ADD3: variants seen among roughly 807,000 people sequenced by gnomAD.
ADD3 encodes gamma-adducin.
ADD3 carries 25 observed loss-of-function variants against 80.2 expected under a neutral mutation model. The ratio of observed to expected loss-of-function variants is 0.31; its 90% CI spans 0.23 to 0.44. The LOEUF is 0.44. Ranked by LOEUF, ADD3 falls within the 20% of genes least tolerant of loss-of-function variation. The probability of loss-of-function intolerance (pLI) is 1.00; values close to 1 mark genes in which losing one functional copy is unlikely to be tolerated. For synonymous variants in ADD3, 284 were observed against 289.6 expected, an observed-to-expected ratio of 0.98 and a Z score of 0.20; for missense variants, 829 against 847.5, an observed-to-expected ratio of 0.98 and a Z score of 0.27.
In ADD3 at chr10:110,100,793, A is replaced by C; in HGVS notation, c.140A>C (p.Gln47Pro). The change falls in exon 2 of 15, where the codon CAA becomes CCA. Residue 47 changes from glutamine (Q) to proline (P), a missense_variant. Transcript: ENST00000356080. The stretch of plus-strand genomic sequence containing the variant: ...AGGAACATGTCTCCTGATCTACGAC[A>C]AGACTTCAACATGATGGAGCAGAGG... ...RERNMSPDLR[Q>P]DFNMMEQRKR... 1 of 1,613,474 alleles carries C rather than the reference A, an allele frequency of 6.2e-7. No homozygotes were observed. Among genetic ancestry groups the C allele is most frequent in the East Asian group, 2.2e-5 (1 of 44,786 alleles).
At position 110,048,514 on chromosome 10, in the gene ADD3, A is replaced by G. The variant is rs1038595823; in HGVS notation, c.-30+40215A>G. Among the ~76,000 whole-genome samples the G allele has an allele frequency of 3.9e-5, 6 of 152,320 alleles. No homozygotes were observed. In the East Asian group the frequency reaches 7.7e-4, roughly 20 times the overall value. ...AATGGCTTTGACCAAAATGCTGACA[A>G]TCATATGGACAATGAAATTTAGGCT... On this transcript the variant is annotated intron_variant, in intron 1 of 14. Coordinates refer to ENST00000356080, the MANE Select transcript of ADD3 (RefSeq NM_016824.5).
At chr10:110,101,194 C>T (rs1848770423) in intron 2 of ADD3, among the ~76,000 whole-genome samples, 1 of 152,122 alleles carries the variant, frequency 6.6e-6, no homozygotes, top group South Asian at 2.1e-4. Context: ...ATCCCATGCA[C>T]GTATTTTCTT....
chr10:110,076,155 GA>G (rs1810132615), intron 1 of ADD3, among the ~76,000 whole-genome samples: 1 of 151,994 alleles, frequency 6.6e-6, no homozygotes, highest in Non-Finnish European at 1.5e-5. Context: ...TTAATTTTAT[GA>G]TTATAGGAAT....
At position 110,033,081 on chromosome 10, in the gene ADD3, G is replaced by A. The variant is rs1453174615; in HGVS notation, c.-30+24782G>A. Among the ~76,000 whole-genome samples, 4 of 152,302 alleles carry A rather than the reference G, an allele frequency of 2.6e-5. No individual in the cohort carries two copies. The East Asian group carries it at 7.7e-4, about 29-fold the overall frequency. On this transcript the variant is annotated intron_variant, in intron 1 of 14. Coordinates refer to ENST00000356080, the MANE Select transcript of ADD3 (RefSeq NM_016824.5). Reference sequence around the variant, plus strand: ...CATCCCTTTAACTCCTTTAAAACCTGACTTTTATAGGTCGATTATATAATG... The same window carrying A: ...CATCCCTTTAACTCCTTTAAAACCTAACTTTTATAGGTCGATTATATAATG...
chr10:110,065,862 A>T (rs1013902813), intron 1 of ADD3, among the ~76,000 whole-genome samples: 1 of 151,286 alleles, frequency 6.6e-6, no homozygotes, highest in Non-Finnish European at 1.5e-5. Flanking sequence ...TCTTCTGTAT[A>T]TTCTGTTTCT....
chr10:110,112,855 C>G lies in ADD3; in HGVS notation c.274C>G (p.Gln92Glu). ...GHNPTGLLAL[Q>E]QIADYIMANS... is the part of the protein sequence containing the mutation. ...CAACCCAACTGGATTACTAGCATTA[C>G]AGCAGATTGCAGATTACATCATGGC... is the stretch of plus-strand genomic sequence containing the variant. Residue 92 changes from glutamine to glutamate, a missense_variant, in exon 3 of 15, where the codon CAG becomes GAG. Physicochemically the swap from Gln to Glu is conservative, Grantham distance 29. Transcript: ENST00000356080. 6.2e-7 allele frequency: 1 copy of G among 1,614,126 alleles called. No individual in the cohort carries two copies. The highest frequency in any genetic ancestry group is 8.5e-7 in the Non-Finnish European group (1 of 1,179,996).
At chr10:110,076,332 G>A (rs1431322565) in intron 1 of ADD3, among the ~76,000 whole-genome samples, 1 of 151,928 alleles carries the variant, frequency 6.6e-6, no homozygotes, top group African/African-American at 2.4e-5. Flanking sequence ...TACATACTGT[G>A]GAAAACTTTT....
rs542804137 is a variant in ADD3, at chr10:110,037,476, G to A, written c.-30+29177G>A. 5.9e-5 allele frequency among the ~76,000 whole-genome samples: 9 copies of A among 151,944 alleles called. No homozygotes were observed. The South Asian group carries it at 1.9e-3, about 32-fold the overall frequency. ...AAAAACTAGCCAGGCGTGGTGGTGG[G>A]CACCTGTAGTCCCAGCTGCTTGGAA... On this transcript the variant is annotated intron_variant, in intron 1 of 14. Transcript: ENST00000356080.
chr10:110,133,544 T>C lies in ADD3; in HGVS notation c.2047T>C (p.Ser683Pro), dbSNP rs1321173972. 4 of 1,611,044 alleles carry C rather than the reference T, an allele frequency of 2.5e-6. 1 individual carries two copies. In the South Asian group the frequency reaches 4.4e-5, roughly 18 times the overall value. ...SPEGSPSKSP[S>P]KKKKKFRTPS... ...TGAAGGCTCCCCTTCAAAATCGCCA[T>C]CCAAGAAAAAGAAGAAATTCCGCAC... The change falls in exon 15 of 15, where the codon TCC becomes CCC. Residue 683 changes from serine (S) to proline (P), a missense_variant. Coordinates refer to ENST00000356080, the MANE Select transcript of ADD3 (RefSeq NM_016824.5).
intron 1 of ADD3, among the ~76,000 whole-genome samples, chr10:110,019,700 T>C (rs1483870534): frequency 6.6e-6 from 1 of 152,220 alleles, no homozygotes; most frequent in Admixed American, 6.5e-5. Flanking sequence ...TAAAGCATTT[T>C]TTTAAGATTC....
intron 1 of ADD3, among the ~76,000 whole-genome samples, chr10:110,078,254 C>A (rs1033453339): frequency 1.3e-5 from 2 of 152,140 alleles, no homozygotes; most frequent in Admixed American, 6.5e-5. Context: ...ACATTAGTTT[C>A]TTTACCTGTA....
chr10:110,109,700 GC>G (rs1171390497), intron 2 of ADD3, among the ~76,000 whole-genome samples: 1 of 152,130 alleles, frequency 6.6e-6, no homozygotes, highest in Non-Finnish European at 1.5e-5. Flanking sequence ...GAGCAGATTG[GC>G]CCATTGCCAT....
chr10:110,100,509 T>TTTTAAA, intron 1 of ADD3, 116 bp from the exon 2 acceptor site: 2 of 543,128 alleles, frequency 3.7e-6, no homozygotes, highest in Non-Finnish European at 6.1e-6. Flanking sequence ...AGAAGCTACT[T>TTTTAAA]TTTAAAGTGC....
At chr10:110,078,621 A>G (rs1259881353) in intron 1 of ADD3, among the ~76,000 whole-genome samples, 1 of 152,208 alleles carries the variant, frequency 6.6e-6, no homozygotes, top group Non-Finnish European at 1.5e-5. Context: ...GTGTACAGCT[A>G]TTAGTTGTGT....
At chr10:110,086,843 A>C (rs930162141) in intron 1 of ADD3, among the ~76,000 whole-genome samples, 44 of 152,268 alleles carry the variant, frequency 2.9e-4, no homozygotes, top group African/African-American at 9.9e-4. Flanking sequence ...CAACTGCAAG[A>C]CTGACTTGAT....
chr10:110,111,227 G>A (rs371651034), intron 2 of ADD3, among the ~76,000 whole-genome samples: 85 of 152,270 alleles, frequency 5.6e-4, no homozygotes, highest in African/African-American at 1.8e-3. Context: ...AGGCAGAGTG[G>A]GGGAAATGGA....
At chr10:110,118,806 G>A (rs1851102529) in intron 6 of ADD3, 70 bp downstream of exon 6, 2 of 1,446,608 alleles carry the variant, frequency 1.4e-6, no homozygotes, top group African/African-American at 1.4e-5. Context: ...TTCTCAACAG[G>A]ATGCTTTACT....
At chr10:109,996,678 T>C (rs1174488750) in intron 1 of ADD3, among the ~76,000 whole-genome samples, 1 of 152,244 alleles carries the variant, frequency 6.6e-6, no homozygotes, top group Non-Finnish European at 1.5e-5. Flanking sequence ...ATGCCCTGCT[T>C]TGGAAAGCCT....
At chr10:110,101,744 G>A (rs1848835613) in intron 2 of ADD3, among the ~76,000 whole-genome samples, 6 of 152,080 alleles carry the variant, frequency 3.9e-5, no homozygotes, top group Admixed American at 2.6e-4. Flanking sequence ...CAAAATCTTA[G>A]TGGAAATGTA....
Sources: gnomAD v4.1 joint callset for allele counts (sites outside exome capture counted in the v4.1 genomes callset) on GRCh38, gnomAD v4.1.1 for gene constraint, MANE v1.5 for transcripts, NCBI Gene and HGNC (gene_info 2026-07-23, HGNC 2026-07-21) for gene names.